Variants in SLC25A42 observed in about 807,000 individuals in gnomAD.
SLC25A42 encodes the protein mitochondrial coenzyme A transporter SLC25A42.
Under a neutral mutation model 34.7 loss-of-function variants are expected in SLC25A42, and 19 were observed. That is an observed-to-expected ratio of 0.55 (90% CI 0.38 to 0.80). The LOEUF is 0.80. Among genes scored for constraint, SLC25A42 ranks in the 30% least tolerant of loss-of-function variants. The probability of loss-of-function intolerance (pLI) is 0.00; values close to 1 mark genes in which losing one functional copy is unlikely to be tolerated. For missense variants in SLC25A42, 364 were observed against 441.3 expected (o/e 0.82, Z 1.57); for synonymous variants, 205 against 191.2 (o/e 1.07, Z -0.59).
intron 3 of SLC25A42, among the ~76,000 whole-genome samples, chr19:19,104,416 A>G (rs1386762451): frequency 1.3e-5 from 2 of 152,194 alleles, no homozygotes; most frequent in African/African-American, 4.8e-5. Context: ...GTCTCTCCCA[A>G]GAGTGCTTAT....
chr19:19,087,652 A>C (rs978186447), intron 1 of SLC25A42, among the ~76,000 whole-genome samples: 1 of 152,216 alleles, frequency 6.6e-6, no homozygotes, highest in African/African-American at 2.4e-5. Context: ...TTCTATTTCC[A>C]TCATTCCATC....
chr19:19,085,160 G>A (rs1377149353), intron 1 of SLC25A42, among the ~76,000 whole-genome samples: 2 of 152,066 alleles, frequency 1.3e-5, no homozygotes, highest in African/African-American at 2.4e-5. Flanking sequence ...CTCACCATGA[G>A]GGGTAAAGAG....
At chr19:19,097,743 G>A (rs1318239859) in intron 2 of SLC25A42, among the ~76,000 whole-genome samples, 1 of 152,166 alleles carries the variant, frequency 6.6e-6, no homozygotes, top group Non-Finnish European at 1.5e-5. Flanking sequence ...TGGGAGGATT[G>A]CTTGAGGTCA....
intron 2 of SLC25A42, among the ~76,000 whole-genome samples, chr19:19,098,861 T>C (rs1244722929): frequency 6.7e-6 from 1 of 149,322 alleles, no homozygotes; most frequent in African/African-American, 2.5e-5. Context: ...GAGGCAGAGG[T>C]TGCAGTGAGC....
intron 1 of SLC25A42, among the ~76,000 whole-genome samples, chr19:19,079,158 C>G (rs929693745): frequency 1.3e-5 from 2 of 152,002 alleles, no homozygotes; most frequent in African/African-American, 4.8e-5. Context: ...CTGGTTCAAG[C>G]GATTCTCCTG....
intron 1 of SLC25A42, among the ~76,000 whole-genome samples, chr19:19,070,374 C>T (rs191691796): frequency 1.1e-3 from 151 of 143,280 alleles, no homozygotes; most frequent in Middle Eastern, 4.2e-3. Context: ...CTCGGCTCAC[C>T]GCAACCTCCA....
chr19:19,106,217 G>T (rs1192369716), intron 5 of SLC25A42, 52 bp from the exon 6 acceptor site: 1 of 1,496,454 alleles, frequency 6.7e-7, no homozygotes, highest in Non-Finnish European at 9.2e-7. Flanking sequence ...GGGCCTCTGT[G>T]CATCTGCAAC....
intron 4 of SLC25A42, chr19:19,105,257 A>T: frequency 3.5e-6 from 2 of 575,902 alleles, no homozygotes; most frequent in South Asian, 4.7e-5. Context: ...CCAAACACCA[A>T]CAGACATGCC....
intron 1 of SLC25A42, among the ~76,000 whole-genome samples, chr19:19,074,148 A>G (rs1295246646): frequency 6.6e-6 from 1 of 152,240 alleles, no homozygotes; most frequent in African/African-American, 2.4e-5. Flanking sequence ...ACTGTCTGCA[A>G]GGACAGAGGA....
In SLC25A42 at chr19:19,089,569, A is replaced by T. The variant is rs528977772; in HGVS notation, c.-34-6522A>T. On this transcript the variant is annotated intron_variant, in intron 1 of 7. Transcript: ENST00000318596. ...ATAATAATAATAAATTATATATATA[A>T]AAATCAGATTCCAGGCAGCCAGGTG... Among the ~76,000 whole-genome samples, 5 of 149,752 alleles carry T rather than the reference A, an allele frequency of 3.3e-5. No homozygotes were observed. In the South Asian group the frequency reaches 8.4e-4, roughly 25 times the overall value.
At chr19:19,100,436 C>T (rs920831716) in intron 2 of SLC25A42, among the ~76,000 whole-genome samples, 1 of 152,118 alleles carries the variant, frequency 6.6e-6, no homozygotes, top group Non-Finnish European at 1.5e-5. Context: ...TTGCCATCTC[C>T]TTTCTCTTCT....
intron 4 of SLC25A42, 50 bp from the exon 5 acceptor site, chr19:19,105,511 G>A: frequency 6.3e-7 from 1 of 1,582,558 alleles, no homozygotes; most frequent in South Asian, 1.2e-5. Flanking sequence ...GAGGCCCGCA[G>A]GGAGGGCAGG....
intron 1 of SLC25A42, among the ~76,000 whole-genome samples, chr19:19,086,592 A>C (rs1476058006): frequency 6.6e-6 from 1 of 151,994 alleles, no homozygotes; most frequent in Non-Finnish European, 1.5e-5. Context: ...AAAATTGTTT[A>C]TATTTAACGT....
chr19:19,085,356 G>C (rs1378501465), intron 1 of SLC25A42, among the ~76,000 whole-genome samples: 3 of 151,290 alleles, frequency 2.0e-5, no homozygotes, highest in Non-Finnish European at 4.4e-5. Context: ...AGGGGCAAAG[G>C]GATCTCTGAA....
intron 7 of SLC25A42, among the ~76,000 whole-genome samples, chr19:19,110,163 A>G (rs978793490): frequency 2.0e-5 from 3 of 152,060 alleles, no homozygotes; most frequent in Admixed American, 6.6e-5. Context: ...CCTGACCAAC[A>G]TGGAGAAACC....
intron 2 of SLC25A42, among the ~76,000 whole-genome samples, chr19:19,101,232 G>T (rs1019316791): frequency 6.6e-6 from 1 of 152,168 alleles, no homozygotes; most frequent in African/African-American, 2.4e-5. Flanking sequence ...GTCAACGCAG[G>T]TTGGCAGCCA....
intron 2 of SLC25A42, among the ~76,000 whole-genome samples, chr19:19,099,975 G>A (rs1289371488): frequency 3.3e-5 from 5 of 151,472 alleles, no homozygotes; most frequent in Non-Finnish European, 5.9e-5. Context: ...TGATCTGCCC[G>A]CCTCGGCCTC....
At chr19:19,098,963 G>A (rs1466452758) in intron 2 of SLC25A42, among the ~76,000 whole-genome samples, 1 of 152,166 alleles carries the variant, frequency 6.6e-6, no homozygotes, top group East Asian at 1.9e-4. Context: ...GGTAACCACC[G>A]AATGGAGGAG....
chr19:19,105,069 C>A, intron 4 of SLC25A42, 131 bp downstream of exon 4: 1 of 1,124,326 alleles, frequency 8.9e-7, no homozygotes. Context: ...CCATTCCCAG[C>A]TCTGCCTGGA....
Sources: allele counts gnomAD v4.1 joint callset (sites outside exome capture counted in the v4.1 genomes callset), GRCh38; gene constraint gnomAD v4.1.1; transcripts MANE v1.5; gene names NCBI Gene and HGNC (gene_info 2026-07-23, HGNC 2026-07-21).